Variants in PLSCR1 observed in about 807,000 individuals in gnomAD.
PLSCR1 encodes PL scramblase 1.
In PLSCR1, 17 loss-of-function variants were observed where a neutral mutation model predicts 37.8. That is an observed-to-expected ratio of 0.45 (90% CI 0.31 to 0.68). The LOEUF (loss-of-function observed/expected upper bound fraction) is 0.68. PLSCR1 is among the 30% of genes least tolerant of loss of function. The probability of loss-of-function intolerance (pLI) is 0.06; values close to 1 mark genes in which losing one functional copy is unlikely to be tolerated. For synonymous variants in PLSCR1, 116 were observed against 125.9 expected, an observed-to-expected ratio of 0.92 and a Z score of 0.53; for missense variants, 347 against 380.9, an observed-to-expected ratio of 0.91 and a Z score of 0.74.
At chr3:146,527,128 C>G (rs1023608446) in intron 4 of PLSCR1, among the ~76,000 whole-genome samples, 5 of 151,484 alleles carry the variant, frequency 3.3e-5, no homozygotes, top group Non-Finnish European at 5.9e-5. Context: ...CAGGATGAGA[C>G]TCCATCTAAA....
intron 4 of PLSCR1, 132 bp downstream of exon 4, chr3:146,528,482 T>C: frequency 1.4e-6 from 1 of 715,576 alleles, no homozygotes; most frequent in Non-Finnish European, 2.4e-6. Flanking sequence ...CTAGAAGAAT[T>C]AGAGTAATCT....
At chr3:146,522,494 A>G (rs1172304346) in intron 5 of PLSCR1, among the ~76,000 whole-genome samples, 1 of 152,180 alleles carries the variant, frequency 6.6e-6, no homozygotes, top group Non-Finnish European at 1.5e-5. Context: ...TGAAGGCAGC[A>G]TGCTTGTTAA....
intron 2 of PLSCR1, among the ~76,000 whole-genome samples, chr3:146,534,784 G>A (rs2108659853): frequency 6.6e-6 from 1 of 152,286 alleles, no homozygotes; most frequent in African/African-American, 2.4e-5. Context: ...GCTGAGGCAG[G>A]AGAATCACTT....
intron 1 of PLSCR1, among the ~76,000 whole-genome samples, chr3:146,539,485 G>A (rs1234648371): frequency 6.6e-5 from 10 of 152,172 alleles, no homozygotes; most frequent in Admixed American, 4.6e-4. Flanking sequence ...AATAGGTGGA[G>A]GATCTTCAGC....
chr3:146,517,253 T>C (rs2043959860), intron 7 of PLSCR1, 86 bp from the exon 8 acceptor site: 2 of 724,852 alleles, frequency 2.8e-6, no homozygotes, highest in Non-Finnish European at 2.2e-6. Context: ...GAAACAAATA[T>C]GGTATTAAAA....
intron 1 of PLSCR1, among the ~76,000 whole-genome samples, chr3:146,537,173 C>T (rs2044276842): frequency 1.3e-5 from 2 of 151,702 alleles, no homozygotes; most frequent in African/African-American, 4.8e-5. Flanking sequence ...ACAGCCATAG[C>T]ACCTTGACCA....
chr3:146,534,969 T>C (rs1337833696), intron 2 of PLSCR1, among the ~76,000 whole-genome samples: 3 of 152,154 alleles, frequency 2.0e-5, no homozygotes, highest in African/African-American at 7.2e-5. Flanking sequence ...ACCTTGTGAT[T>C]TGTGAATCAT....
chr3:146,538,974 C>T (rs745896747), intron 1 of PLSCR1, among the ~76,000 whole-genome samples: 3 of 152,080 alleles, frequency 2.0e-5, no homozygotes, highest in South Asian at 2.1e-4. Flanking sequence ...CACCAGGGAC[C>T]GGTTTTGTGG....
In PLSCR1 at chr3:146,515,998, A is replaced by G. The variant is rs1451098885; in HGVS notation, c.*47T>C. 8.4e-7 allele frequency: 1 copy of G among 1,194,066 alleles called. No individual in the cohort carries two copies. The highest frequency in any genetic ancestry group is 2.3e-5 in the East Asian group (1 of 42,684). 74.0% of individuals were successfully genotyped at this position (1,194,066 alleles called of 1,614,324 possible). On this transcript the variant is annotated 3_prime_UTR_variant, in exon 9 of 9. Transcript: ENST00000342435. ...ACAGGTATGAGTTTAGATAGTCTCA[A>G]TCAATATACAGACTTCAGATTTCCT...
At chr3:146,532,765 A>G (rs2044216548) in intron 3 of PLSCR1, among the ~76,000 whole-genome samples, 1 of 152,140 alleles carries the variant, frequency 6.6e-6, no homozygotes, top group South Asian at 2.1e-4. Flanking sequence ...GGACTTTGCT[A>G]TTTTTAAAGT....
rs763793474 is a variant in PLSCR1, at chr3:146,528,813, C to G, written c.113G>C (p.Gly38Ala). The G allele has an allele frequency of 1.2e-6, 2 of 1,613,576 alleles. No homozygotes were observed. Among genetic ancestry groups the G allele is most frequent in the South Asian group, 2.2e-5 (2 of 91,060 alleles). The change falls in exon 4 of 9, where the codon GGC becomes GCC. Residue 38 changes from glycine (G) to alanine (A), a missense_variant. Transcript: ENST00000342435. ...TAFQGPPGYS[G>A]YPGPQVSYPP... is the part of the protein sequence containing the mutation. ...GTAGCTGACCTGGGGCCCAGGGTAG[C>G]CACTATATCCTGGAGGTCCTGAAAT...
At chr3:146,523,065 G>A (rs1441620715) in intron 5 of PLSCR1, among the ~76,000 whole-genome samples, 1 of 152,148 alleles carries the variant, frequency 6.6e-6, no homozygotes, top group Non-Finnish European at 1.5e-5. Context: ...AAATACTAAG[G>A]GAACTCAGAG....
At chr3:146,516,432 A>G in intron 8 of PLSCR1, 1 of 203,908 alleles carries the variant, frequency 4.9e-6, no homozygotes, top group South Asian at 1.0e-4. Flanking sequence ...ACACTATATG[A>G]ACTTCGAAGT....
At position 146,528,821 on chromosome 3, in the gene PLSCR1, T is replaced by C; in HGVS notation, c.105A>G (p.Gly35=). The C allele has an allele frequency of 1.2e-6, 2 of 1,609,720 alleles. No homozygotes were observed. The highest frequency in any genetic ancestry group is 1.3e-5 in the African/African-American group (1 of 74,822). ...CCTGGGGCCCAGGGTAGCCACTATA[T>C]CCTGGAGGTCCTGAAATACAAACAA... ...YPPTAFQGPP[G]YSGYPGPQVS... is the part of the protein sequence containing the mutation. The change falls in exon 4 of 9, where the codon GGA becomes GGG. Residue 35 remains glycine, a synonymous_variant. Transcript: ENST00000342435.
chr3:146,527,059 C>G (rs2044127131), intron 4 of PLSCR1, among the ~76,000 whole-genome samples: 1 of 152,112 alleles, frequency 6.6e-6, no homozygotes, highest in Non-Finnish European at 1.5e-5. Context: ...ATAGCTTGAA[C>G]CCGGGAGGCG....
At chr3:146,534,660 T>G (rs2044242611) in intron 2 of PLSCR1, among the ~76,000 whole-genome samples, 1 of 151,382 alleles carries the variant, frequency 6.6e-6, no homozygotes, top group African/African-American at 2.4e-5. Context: ...AAAAAACCGC[T>G]CTCCTACTCG....
intron 1 of PLSCR1, among the ~76,000 whole-genome samples, chr3:146,542,233 C>G (rs2044346461): frequency 6.6e-6 from 1 of 152,162 alleles, no homozygotes; most frequent in Non-Finnish European, 1.5e-5. Flanking sequence ...CAAGTTCCCT[C>G]CAGCCCAGGA....
chr3:146,521,877 G>C lies in PLSCR1; in HGVS notation c.532C>G (p.Pro178Ala). Reference sequence around the variant, plus strand: ...CAACAACAGCTGCTACATCTTAGTGGTCTCTCCAGAGTTATGACTTCTTGA... The same window carrying C: ...CAACAACAGCTGCTACATCTTAGTGCTCTCTCCAGAGTTATGACTTCTTGA... ...MGQEVITLER[P>A]LRCSSCCCPC... The change falls in exon 6 of 9, where the codon CCA (proline) becomes GCA (alanine). Residue 178 changes from proline (P) to alanine (A), a missense_variant. Coordinates refer to ENST00000342435, the MANE Select transcript of PLSCR1 (RefSeq NM_021105.3). 6.2e-7 allele frequency: 1 copy of C among 1,613,922 alleles called. No homozygotes were observed. Among genetic ancestry groups the C allele is most frequent in the Non-Finnish European group, 8.5e-7 (1 of 1,179,866 alleles).
chr3:146,525,436 T>C, intron 5 of PLSCR1, 169 bp downstream of exon 5: 1 of 547,726 alleles, frequency 1.8e-6, no homozygotes, highest in South Asian at 2.4e-5. Flanking sequence ...CATTTTACCT[T>C]TTGATTCCTA....
Sources: allele counts gnomAD v4.1 joint callset (sites outside exome capture counted in the v4.1 genomes callset), GRCh38; gene constraint gnomAD v4.1.1; transcripts MANE v1.5; gene names NCBI Gene and HGNC (gene_info 2026-07-23, HGNC 2026-07-21).